The following SFMBT2 variants were observed in gnomAD, a reference collection of about 807,000 sequenced individuals.
SFMBT2 encodes Scm like with four mbt domains 2.
A neutral mutation model predicts 110.1 loss-of-function variants in SFMBT2; 38 were observed. The observed-to-expected ratio is 0.35, with a 90% confidence interval of 0.27 to 0.45. The LOEUF (loss-of-function observed/expected upper bound fraction) is 0.45. Among genes scored for constraint, SFMBT2 ranks in the 20% least tolerant of loss-of-function variants. SFMBT2 has a pLI of 1.00. For missense variants in SFMBT2, 1,011 were observed against 1,094.9 expected (o/e 0.92, Z 1.08); for synonymous variants, 425 against 425.4 (o/e 1.00, Z 0.01).
At chr10:7,204,468 C>T in intron 12 of SFMBT2, 1 of 984,582 alleles carries the variant, frequency 1.0e-6, no homozygotes, top group Non-Finnish European at 1.2e-6. Context: ...AAGGACTCAT[C>T]ATTTTAAATA....
At chr10:7,255,962 G>A (rs1392068253) in intron 7 of SFMBT2, among the ~76,000 whole-genome samples, 2 of 152,204 alleles carry the variant, frequency 1.3e-5, no homozygotes, top group African/African-American at 2.4e-5. Context: ...TCTGAACCCA[G>A]AGACACGTCT....
At chr10:7,279,203 G>GGGGTT (rs1841871986) in intron 6 of SFMBT2, among the ~76,000 whole-genome samples, 1 of 152,174 alleles carries the variant, frequency 6.6e-6, no homozygotes, top group African/African-American at 2.4e-5. Flanking sequence ...TGGCCCCAGT[G>GGGGTT]GGGTTGCCTG....
chr10:7,192,754 G>A (rs1404432106), intron 15 of SFMBT2, among the ~76,000 whole-genome samples: 1 of 152,200 alleles, frequency 6.6e-6, no homozygotes, highest in African/African-American at 2.4e-5. Context: ...AGAGTCACCT[G>A]AGCCCTTTGG....
At chr10:7,169,900 C>T (rs1303670870) in intron 20 of SFMBT2, among the ~76,000 whole-genome samples, 4 of 152,134 alleles carry the variant, frequency 2.6e-5, no homozygotes, top group Non-Finnish European at 5.9e-5. Context: ...GAAATTATAT[C>T]GACTGTTATT....
At chr10:7,202,924 C>T in intron 12 of SFMBT2, 1 of 985,374 alleles carries the variant, frequency 1.0e-6, no homozygotes, top group Non-Finnish European at 1.2e-6. Context: ...ACAGCACACT[C>T]CCAAGGTGCT....
intron 9 of SFMBT2, among the ~76,000 whole-genome samples, chr10:7,243,067 A>T (rs1840485390): frequency 6.6e-6 from 1 of 152,224 alleles, no homozygotes; most frequent in Non-Finnish European, 1.5e-5. Flanking sequence ...CCAATTTAAA[A>T]TTATTTTAAT....
rs1837836898 is a variant in SFMBT2, at chr10:7,170,352, G to C, written c.2544+576C>G. On this transcript the variant is annotated intron_variant, in intron 20 of 20. Coordinates refer to ENST00000397167, the MANE Select transcript of SFMBT2 (RefSeq NM_001387889.1). This position sits in a 1 kb window ranked among gnomAD's most constrained non-coding sequence, Gnocchi z 4.6. ...AAAGGCCTGGCCAAGGGGTGGCCCAGCAAGACAAAAAACCGTGAGACAGCA... is the reference window on the plus strand; with the variant it reads ...AAAGGCCTGGCCAAGGGGTGGCCCACCAAGACAAAAAACCGTGAGACAGCA... Among the ~76,000 whole-genome samples, 1 of 152,198 alleles carries C rather than the reference G, an allele frequency of 6.6e-6. No individual in the cohort carries two copies. The highest frequency in any genetic ancestry group is 1.5e-5 in the Non-Finnish European group (1 of 68,032).
chr10:7,207,365 GAAGA>G (rs1442972767), intron 11 of SFMBT2, among the ~76,000 whole-genome samples: 4 of 149,072 alleles, frequency 2.7e-5, no homozygotes, highest in Non-Finnish European at 3.0e-5. Context: ...GTCAAGAAAG[GAAGA>G]AAGGAAGGAA....
chr10:7,333,939 ATC>A, intron 4 of SFMBT2, among the ~76,000 whole-genome samples: 1 of 152,318 alleles, frequency 6.6e-6, no homozygotes, highest in East Asian at 1.9e-4. Context: ...AGTAAATAAA[ATC>A]TGGGGAAAGC....
chr10:7,272,739 A>C (rs895969316), intron 7 of SFMBT2, among the ~76,000 whole-genome samples: 1 of 152,160 alleles, frequency 6.6e-6, no homozygotes, highest in Non-Finnish European at 1.5e-5. Flanking sequence ...ACAGGACAAG[A>C]AGCAGCCCAC....
intron 4 of SFMBT2, among the ~76,000 whole-genome samples, chr10:7,305,606 A>C (rs888429825): frequency 6.6e-6 from 1 of 152,250 alleles, no homozygotes; most frequent in Non-Finnish European, 1.5e-5. Context: ...CCAGGAAGGA[A>C]GATCATCCAG....
At chr10:7,225,292 T>C (rs1217862493) in intron 10 of SFMBT2, among the ~76,000 whole-genome samples, 2 of 152,242 alleles carry the variant, frequency 1.3e-5, no homozygotes, top group African/African-American at 2.4e-5. Flanking sequence ...AGCATTTTAC[T>C]GTGTCGATTC....
At chr10:7,194,833 G>A (rs148083870) in intron 15 of SFMBT2, among the ~76,000 whole-genome samples, 110 of 152,272 alleles carry the variant, frequency 7.2e-4, no homozygotes, top group African/African-American at 2.5e-3. Flanking sequence ...TTTGGCCGCT[G>A]GCACTTATCG....
intron 1 of SFMBT2, among the ~76,000 whole-genome samples, chr10:7,388,686 T>C (rs1746369404): frequency 1.3e-5 from 2 of 151,922 alleles, no homozygotes; most frequent in African/African-American, 4.8e-5. Flanking sequence ...AGAAGGATGA[T>C]AATTATTTAC....
chr10:7,209,289 A>G (rs1285331261), intron 11 of SFMBT2, among the ~76,000 whole-genome samples: 3 of 152,250 alleles, frequency 2.0e-5, no homozygotes, highest in Non-Finnish European at 4.4e-5. Flanking sequence ...TTATCATTTT[A>G]TAGAAAAATC....
intron 7 of SFMBT2, among the ~76,000 whole-genome samples, chr10:7,259,909 T>A (rs1841141408): frequency 6.6e-6 from 1 of 152,222 alleles, no homozygotes; most frequent in Admixed American, 6.5e-5. Flanking sequence ...GACCCGGTGC[T>A]GCCAGTCTAC....
At chr10:7,174,568 T>C (rs1837990255) in intron 17 of SFMBT2, among the ~76,000 whole-genome samples, 1 of 152,226 alleles carries the variant, frequency 6.6e-6, no homozygotes, top group South Asian at 2.1e-4. Flanking sequence ...TTTTATTATA[T>C]GAGATCCGGA....
At chr10:7,380,278 T>G (rs1352709614) in intron 2 of SFMBT2, among the ~76,000 whole-genome samples, 1 of 152,180 alleles carries the variant, frequency 6.6e-6, no homozygotes, top group Non-Finnish European at 1.5e-5. Context: ...GCAGGAGAAG[T>G]CTTCTCCCAT....
chr10:7,246,421 G>T lies in SFMBT2; in HGVS notation c.972+2127C>A, dbSNP rs1564403022. 3.3e-5 allele frequency among the ~76,000 whole-genome samples: 5 copies of T among 152,108 alleles called. 1 individual carries two copies. The South Asian group carries it at 1.0e-3, about 31-fold the overall frequency. ...TTAAAGGCATAAGAATTATTTAAAG[G>T]CATAAGAATGTGAGAGAGGCCGGGT... On this transcript the variant is annotated intron_variant, in intron 8 of 20. Transcript: ENST00000397167.
Sources: allele counts gnomAD v4.1 joint callset (sites outside exome capture counted in the v4.1 genomes callset), GRCh38; gene constraint gnomAD v4.1.1; non-coding constraint Gnocchi (gnomAD v3.1); transcripts MANE v1.5; gene names NCBI Gene and HGNC (gene_info 2026-07-23, HGNC 2026-07-21).